The following SLC35F1 variants were observed in gnomAD, a reference collection of about 807,000 sequenced individuals.
SLC35F1 encodes the protein chromosome 6 open reading frame 169.
SLC35F1 carries 14 observed loss-of-function variants against 48.7 expected under a neutral mutation model. That is an observed-to-expected ratio of 0.29 (90% CI 0.19 to 0.45). SLC35F1 has a LOEUF of 0.45. Ranked by LOEUF, SLC35F1 falls within the 20% of genes least tolerant of loss-of-function variation. The pLI is 1.00. For missense variants in SLC35F1, 404 were observed against 500.0 expected (o/e 0.81, Z 1.83); for synonymous variants, 190 against 202.2 (o/e 0.94, Z 0.51).
At chr6:118,075,110 G>A (rs1229284782) in intron 1 of SLC35F1, among the ~76,000 whole-genome samples, 1 of 152,138 alleles carries the variant, frequency 6.6e-6, no homozygotes, top group African/African-American at 2.4e-5. Flanking sequence ...AGAACATGGT[G>A]TTTATTTAGT....
intron 5 of SLC35F1, among the ~76,000 whole-genome samples, chr6:118,276,023 C>T (rs1775914209): frequency 6.6e-6 from 1 of 152,036 alleles, no homozygotes; most frequent in Non-Finnish European, 1.5e-5. Context: ...ATAAAATTAC[C>T]CTTTTATAAA....
chr6:118,303,004 A>G (rs1562356397), intron 7 of SLC35F1, among the ~76,000 whole-genome samples: 1 of 151,444 alleles, frequency 6.6e-6, no homozygotes, highest in Admixed American at 6.6e-5. Context: ...CATTAAACCC[A>G]TAATATGATT....
At chr6:118,082,178 T>C (rs145559825) in intron 1 of SLC35F1, among the ~76,000 whole-genome samples, 18 of 152,354 alleles carry the variant, frequency 1.2e-4, no homozygotes, top group African/African-American at 4.1e-4. Context: ...GATTAGGGTC[T>C]AGGCAATTAC....
chr6:118,213,984 A>C (rs1309676170), intron 2 of SLC35F1, among the ~76,000 whole-genome samples: 1 of 152,192 alleles, frequency 6.6e-6, no homozygotes, highest in Non-Finnish European at 1.5e-5. Context: ...TATTTCAAAA[A>C]ATTATTAAAA....
At chr6:118,139,122 T>C (rs1007869187) in intron 1 of SLC35F1, among the ~76,000 whole-genome samples, 1 of 152,198 alleles carries the variant, frequency 6.6e-6, no homozygotes, top group Non-Finnish European at 1.5e-5. Flanking sequence ...TTCTTTTTTT[T>C]TGTTTTTTGA....
chr6:117,979,986 G>C (rs1562254206), intron 1 of SLC35F1, among the ~76,000 whole-genome samples: 1 of 152,150 alleles, frequency 6.6e-6, no homozygotes, highest in Non-Finnish European at 1.5e-5. Context: ...GTAAAAAGTT[G>C]CTGTTAGCAC....
intron 3 of SLC35F1, among the ~76,000 whole-genome samples, chr6:118,265,187 T>C (rs2114618282): frequency 6.6e-6 from 1 of 152,328 alleles, no homozygotes; most frequent in African/African-American, 2.4e-5. Flanking sequence ...GGATTCACAA[T>C]GCTATTTGCA....
intron 1 of SLC35F1, among the ~76,000 whole-genome samples, chr6:117,919,256 TCC>T (rs1323090666): frequency 6.6e-6 from 1 of 152,152 alleles, no homozygotes; most frequent in African/African-American, 2.4e-5. Context: ...AGTGATGGTG[TCC>T]CCTTTAGCCT....
intron 2 of SLC35F1, among the ~76,000 whole-genome samples, chr6:118,205,348 C>T (rs561120630): frequency 9.9e-5 from 15 of 152,064 alleles, no homozygotes; most frequent in Middle Eastern, 3.4e-3. Context: ...AGAAGATACA[C>T]GAATGGCCAC....
At chr6:118,041,402 A>G (rs1772218008) in intron 1 of SLC35F1, among the ~76,000 whole-genome samples, 1 of 152,288 alleles carries the variant, frequency 6.6e-6, no homozygotes, top group South Asian at 2.1e-4. Context: ...AGAGCGCTTC[A>G]CTGCCTGTCA....
At chr6:118,236,089 C>T (rs1775361725) in intron 3 of SLC35F1, among the ~76,000 whole-genome samples, 1 of 152,064 alleles carries the variant, frequency 6.6e-6, no homozygotes, top group African/African-American at 2.4e-5. Flanking sequence ...GCTTAATAAT[C>T]TTTTCTTTTA....
intron 1 of SLC35F1, among the ~76,000 whole-genome samples, chr6:117,998,307 C>G (rs1295931662): frequency 7.1e-6 from 1 of 141,358 alleles, no homozygotes. Flanking sequence ...GAGACTTAGA[C>G]TCCCACACAA....
At position 117,993,438 on chromosome 6, in the gene SLC35F1, T is replaced by C. The variant is rs554744898; in HGVS notation, c.173+85539T>C. ...AATAATAGTTTCCTATTTTCAGTCA[T>C]TGTAAATATTCGTTCATTTAAACAA... On this transcript the variant is annotated intron_variant, in intron 1 of 7. Transcript: ENST00000360388. Among the ~76,000 whole-genome samples the C allele has an allele frequency of 1.8e-4, 28 of 152,312 alleles. No individual in the cohort carries two copies. In the South Asian group the frequency reaches 5.6e-3, roughly 30 times the overall value.
At chr6:118,196,030 G>A (rs192177321) in intron 2 of SLC35F1, among the ~76,000 whole-genome samples, 1 of 152,184 alleles carries the variant, frequency 6.6e-6, no homozygotes, top group Non-Finnish European at 1.5e-5. Flanking sequence ...CCCCAGAATC[G>A]CAGCAGATTC....
In SLC35F1 at chr6:117,907,284, C is replaced by A. The variant is rs531394780; in HGVS notation, c.-443C>A. On this transcript the variant is annotated 5_prime_UTR_variant, in exon 1 of 8. Transcript: ENST00000360388. ...GAGACACAGACGGTAGCTTTCCGACCGAGCGGGGCACAGGCTGAGGCGGCG... is the reference window on the plus strand; with the variant it reads ...GAGACACAGACGGTAGCTTTCCGACAGAGCGGGGCACAGGCTGAGGCGGCG... Among the ~76,000 whole-genome samples the A allele has an allele frequency of 1.3e-5, 2 of 150,742 alleles. No individual in the cohort carries two copies. The highest frequency in any genetic ancestry group is 4.8e-5 in the African/African-American group (2 of 41,304).
At chr6:118,036,781 G>T (rs192926869) in intron 1 of SLC35F1, among the ~76,000 whole-genome samples, 1 of 152,046 alleles carries the variant, frequency 6.6e-6, no homozygotes, top group African/African-American at 2.4e-5. Flanking sequence ...GGCTGGTCTT[G>T]AACTCCTGGC....
intron 1 of SLC35F1, among the ~76,000 whole-genome samples, chr6:118,094,235 C>A (rs1313846295): frequency 6.6e-6 from 1 of 152,122 alleles, no homozygotes; most frequent in African/African-American, 2.4e-5. Flanking sequence ...AAATAGAGGG[C>A]TGGCACTGAT....
chr6:117,997,943 A>C (rs1777021189), intron 1 of SLC35F1, among the ~76,000 whole-genome samples: 2 of 151,826 alleles, frequency 1.3e-5, no homozygotes, highest in Admixed American at 6.6e-5. Context: ...TTAAATGTAA[A>C]TGGACTAAAT....
In SLC35F1 at chr6:118,266,629, G is replaced by A. The variant is rs1195131747; in HGVS notation, c.478-366G>A. On this transcript the variant is annotated intron_variant, in intron 3 of 7. Transcript: ENST00000360388. ...TAAAATAGGGGGACAATGTAAAAAG[G>A]CTGGGTGTACTGTCCCCGAACCAAA... 3.3e-5 allele frequency among the ~76,000 whole-genome samples: 5 copies of A among 152,152 alleles called. No homozygotes were observed. The East Asian group carries it at 7.8e-4, about 24-fold the overall frequency.
Sources: allele counts gnomAD v4.1 joint callset (sites outside exome capture counted in the v4.1 genomes callset), GRCh38; gene constraint gnomAD v4.1.1; transcripts MANE v1.5; gene names NCBI Gene and HGNC (gene_info 2026-07-23, HGNC 2026-07-21).